The following FGD5 variants were observed in gnomAD, a reference collection of about 807,000 sequenced individuals.
FGD5 encodes the protein FYVE, RhoGEF and PH domain containing 5, also known as FYVE, RhoGEF and PH domain-containing protein 5.
In FGD5, 28 loss-of-function variants were observed where a neutral mutation model predicts 133.4. The observed-to-expected ratio is 0.21, with a 90% CI of 0.16 to 0.29. The LOEUF (loss-of-function observed/expected upper bound fraction) is 0.29, where lower values mean the gene tolerates loss of function less well. Among genes scored for constraint, FGD5 ranks in the 10% least tolerant of loss-of-function variants. FGD5 has a pLI of 1.00. For missense variants in FGD5, 1,858 were observed against 1,895.2 expected (o/e 0.98, Z 0.36); for synonymous variants, 810 against 776.5 (o/e 1.04, Z -0.72).
chr3:14,892,537 G>T (rs1462691274), intron 4 of FGD5, among the ~76,000 whole-genome samples: 1 of 152,186 alleles, frequency 6.6e-6, no homozygotes, highest in East Asian at 1.9e-4. Flanking sequence ...TGTCCAGCAG[G>T]CCGGGCGCGG....
At chr3:14,855,777 TC>T (rs934137208) in intron 1 of FGD5, among the ~76,000 whole-genome samples, 1 of 152,146 alleles carries the variant, frequency 6.6e-6, no homozygotes, top group East Asian at 1.9e-4. Context: ...TGGATATTAA[TC>T]CCCTGTCGGA....
At chr3:14,894,834 A>G (rs2038102133) in intron 4 of FGD5, among the ~76,000 whole-genome samples, 1 of 152,164 alleles carries the variant, frequency 6.6e-6, no homozygotes, top group South Asian at 2.1e-4. Context: ...ATTCTCACTG[A>G]CAAGAGTTCC....
chr3:14,908,949 T>C (rs143724109), intron 10 of FGD5, among the ~76,000 whole-genome samples: 14,150 of 140,882 alleles, frequency 0.1, 772 homozygotes, highest in East Asian at 0.23. Flanking sequence ...TTTATTTATT[T>C]ATTCATTCAT....
chr3:14,833,298 A>G (rs1196306181), intron 1 of FGD5, among the ~76,000 whole-genome samples: 5 of 152,140 alleles, frequency 3.3e-5, no homozygotes, highest in African/African-American at 1.2e-4. Context: ...CTGCATGCAC[A>G]GGGTTGGGTT....
intron 2 of FGD5, among the ~76,000 whole-genome samples, chr3:14,876,441 A>T (rs557610858): frequency 2.6e-5 from 4 of 152,232 alleles, no homozygotes; most frequent in Admixed American, 2.0e-4. Flanking sequence ...AAAGTAAATC[A>T]GAAAATTTTG....
At chr3:14,833,530 T>C (rs768370784) in intron 1 of FGD5, among the ~76,000 whole-genome samples, 1 of 152,142 alleles carries the variant, frequency 6.6e-6, no homozygotes, top group African/African-American at 2.4e-5. Context: ...GAGCTCCCCA[T>C]CATGATCAGT....
intron 1 of FGD5, among the ~76,000 whole-genome samples, chr3:14,863,868 C>T (rs934197014): frequency 1.3e-5 from 2 of 152,208 alleles, no homozygotes; most frequent in Non-Finnish European, 2.9e-5. Flanking sequence ...TCGGGCCTTC[C>T]TCTGGCAGGG....
chr3:14,933,253 G>C lies in FGD5; in HGVS notation c.*86G>C. ...AGCTAAGCTGTGGCTCAACTCATCCGGACACACACCTGGATTCAGCAATGA... is the reference window on the plus strand; with the variant it reads ...AGCTAAGCTGTGGCTCAACTCATCCCGACACACACCTGGATTCAGCAATGA... On this transcript the variant is annotated 3_prime_UTR_variant, in exon 20 of 20. Transcript: ENST00000285046. The C allele has an allele frequency of 6.8e-7, 1 of 1,470,756 alleles. No individual in the cohort carries two copies. The highest frequency in any genetic ancestry group is 9.4e-7 in the Non-Finnish European group (1 of 1,066,812). 91.1% of individuals were successfully genotyped at this position (1,470,756 alleles called of 1,614,324 possible).
intron 1 of FGD5, among the ~76,000 whole-genome samples, chr3:14,856,584 CCTT>C (rs2037282575): frequency 6.6e-6 from 1 of 151,702 alleles, no homozygotes; most frequent in African/African-American, 2.4e-5. Flanking sequence ...AAGTCTTTCA[CCTT>C]CTTAGTTAAA....
intron 1 of FGD5, among the ~76,000 whole-genome samples, chr3:14,813,275 A>G (rs1267272196): frequency 1.3e-5 from 2 of 152,198 alleles, no homozygotes; most frequent in Admixed American, 1.3e-4. Context: ...GAGCTGACGT[A>G]TAGCAGAGAT....
chr3:14,900,866 C>G, intron 8 of FGD5, 137 bp from the exon 9 acceptor site: 1 of 886,396 alleles, frequency 1.1e-6, no homozygotes, highest in Admixed American at 1.9e-5. Flanking sequence ...GCATGCATGA[C>G]AGTGGTCAAA....
intron 2 of FGD5, among the ~76,000 whole-genome samples, chr3:14,868,234 C>T (rs982745998): frequency 2.6e-5 from 4 of 152,158 alleles, no homozygotes; most frequent in Non-Finnish European, 4.4e-5. Context: ...CCAGCTCCCC[C>T]GAGACCAGCC....
chr3:14,910,629 G>C (rs2038429932), intron 10 of FGD5, among the ~76,000 whole-genome samples: 1 of 152,214 alleles, frequency 6.6e-6, no homozygotes, highest in South Asian at 2.1e-4. Flanking sequence ...TCAGGACTAT[G>C]ATCCAAGCCC....
chr3:14,813,333 T>G (rs1416804002), intron 1 of FGD5, among the ~76,000 whole-genome samples: 3 of 152,160 alleles, frequency 2.0e-5, no homozygotes, highest in Non-Finnish European at 4.4e-5. Context: ...CTTCCCACAC[T>G]GTCCTGTGCT....
intron 2 of FGD5, among the ~76,000 whole-genome samples, chr3:14,871,976 A>C (rs967023053): frequency 2.6e-5 from 4 of 152,262 alleles, no homozygotes; most frequent in Non-Finnish European, 5.9e-5. Context: ...TTAGAAACAC[A>C]GTATCCCAGG....
chr3:14,847,357 C>T (rs746368120), intron 1 of FGD5, among the ~76,000 whole-genome samples: 18 of 152,016 alleles, frequency 1.2e-4, no homozygotes, highest in Admixed American at 8.5e-4. Context: ...TGTTTTTGTC[C>T]GAGATCATGG....
chr3:14,825,185 G>A (rs2036576948), intron 1 of FGD5, among the ~76,000 whole-genome samples: 1 of 152,216 alleles, frequency 6.6e-6, no homozygotes, highest in Non-Finnish European at 1.5e-5. Context: ...CTTCCTTTGA[G>A]ATTTGCATAG....
intron 1 of FGD5, chr3:14,811,386 C>T (rs1046695513): frequency 3.9e-5 from 6 of 152,254 alleles, no homozygotes; most frequent in Non-Finnish European, 5.9e-5. Flanking sequence ...TCCCTTCTCT[C>T]CTCCTAGACC....
At chr3:14,843,663 T>C (rs1281402129) in intron 1 of FGD5, among the ~76,000 whole-genome samples, 1 of 149,318 alleles carries the variant, frequency 6.7e-6, no homozygotes, top group Non-Finnish European at 1.5e-5. Flanking sequence ...GCTTGGGCTC[T>C]ATACCTGTGC....
Sources: allele counts gnomAD v4.1 joint callset (sites outside exome capture counted in the v4.1 genomes callset), GRCh38; gene constraint gnomAD v4.1.1; transcripts MANE v1.5; gene names NCBI Gene and HGNC (gene_info 2026-07-23, HGNC 2026-07-21).